The following FOXP2 variants were observed in gnomAD, a reference collection of about 807,000 sequenced individuals.
FOXP2 encodes the protein forkhead box protein P2.
A neutral mutation model predicts 115.8 loss-of-function variants in FOXP2; 12 were observed. That is an observed-to-expected ratio of 0.10 (90% CI 0.07 to 0.17). The LOEUF is 0.17. Among genes scored for constraint, FOXP2 ranks in the 10% least tolerant of loss-of-function variants. The pLI is 1.00. For missense variants in FOXP2, 629 were observed against 843.5 expected (o/e 0.75, Z 3.15); for synonymous variants, 328 against 297.7 (o/e 1.10, Z -1.05).
chr7:114,324,475 C>T (rs1442034364), intron 2 of FOXP2, among the ~76,000 whole-genome samples: 2 of 151,860 alleles, frequency 1.3e-5, no homozygotes, highest in Non-Finnish European at 3.0e-5. Flanking sequence ...TCAGGCCTCT[C>T]TCTTCTATAC....
chr7:114,671,160 C>T (rs915979938), intron 16 of FOXP2, among the ~76,000 whole-genome samples: 6 of 152,052 alleles, frequency 3.9e-5, no homozygotes, highest in Admixed American at 2.0e-4. Flanking sequence ...AGTGATTGTA[C>T]GGAACTTATG....
chr7:114,202,601 G>T (rs556616446), intron 1 of FOXP2, among the ~76,000 whole-genome samples: 17 of 152,262 alleles, frequency 1.1e-4, no homozygotes, highest in African/African-American at 4.1e-4. Flanking sequence ...CCTTGTAACA[G>T]AATGAGATTT....
intron 1 of FOXP2, among the ~76,000 whole-genome samples, chr7:114,286,585 G>A (rs1584608739): frequency 2.0e-5 from 3 of 152,074 alleles, no homozygotes; most frequent in African/African-American, 7.2e-5. Flanking sequence ...ATTAACATAA[G>A]GAAAGCCAAG....
At chr7:114,273,997 C>G (rs561916031) in intron 1 of FOXP2, among the ~76,000 whole-genome samples, 2 of 151,878 alleles carry the variant, frequency 1.3e-5, no homozygotes, top group Admixed American at 1.3e-4. Flanking sequence ...TTCTTTGTTC[C>G]TATTTTTCTT....
chr7:114,660,963 A>G (rs1267373415), intron 13 of FOXP2, among the ~76,000 whole-genome samples: 1 of 151,912 alleles, frequency 6.6e-6, no homozygotes, highest in African/African-American at 2.4e-5. Context: ...TCATTTGCTC[A>G]TTAATATTAA....
chr7:114,306,195 C>T (rs1797010763), intron 2 of FOXP2, among the ~76,000 whole-genome samples: 2 of 152,036 alleles, frequency 1.3e-5, no homozygotes, highest in African/African-American at 4.8e-5. Context: ...AATAAGTCAA[C>T]TTGTTACTGT....
At chr7:114,429,792 CAG>C (rs1305725233) in intron 2 of FOXP2, among the ~76,000 whole-genome samples, 1 of 151,618 alleles carries the variant, frequency 6.6e-6, no homozygotes, top group African/African-American at 2.4e-5. Flanking sequence ...TCATGTAAAA[CAG>C]AGTATTTGAA....
Position 114,664,388 on chromosome 7 carries a change from T to C in FOXP2, c.1955T>C (p.Ile652Thr), listed in dbSNP as rs377217556. 3 of 1,613,600 alleles carry C rather than the reference T, an allele frequency of 1.9e-6. No homozygotes were observed. The highest frequency in any genetic ancestry group is 1.3e-5 in the African/African-American group (1 of 75,016). Reference protein sequence around the residue: ...HEDLNGSLDHIDSNGNSSPGC... With the variant: ...HEDLNGSLDHTDSNGNSSPGC... Reference sequence around the variant, plus strand: ...GACCTCAATGGTTCTCTGGATCACATTGACAGCAATGGAAACAGTAGTCCG... The same window carrying C: ...GACCTCAATGGTTCTCTGGATCACACTGACAGCAATGGAAACAGTAGTCCG... Residue 652 changes from isoleucine to threonine, a missense_variant, in exon 16 of 17, where the codon ATT (isoleucine) becomes ACT (threonine). By Grantham distance (89) the Ile-to-Thr change is moderately conservative (BLOSUM62 -1). Around this residue, in one of 9 missense-constraint regions of FOXP2, gnomAD observed 117 missense variants for 112.3 expected, o/e 1.04. Coordinates refer to ENST00000350908, the MANE Select transcript of FOXP2 (RefSeq NM_014491.4).
At chr7:114,451,710 T>A (rs1795080644) in intron 2 of FOXP2, among the ~76,000 whole-genome samples, 1 of 152,036 alleles carries the variant, frequency 6.6e-6, no homozygotes, top group Non-Finnish European at 1.5e-5. Context: ...AGCTGCTTAA[T>A]ACATAAAAGT....
intron 1 of FOXP2, among the ~76,000 whole-genome samples, chr7:114,196,291 T>G (rs1793905609): frequency 1.3e-5 from 2 of 152,096 alleles, no homozygotes; most frequent in Admixed American, 6.6e-5. Flanking sequence ...ATTATAGGCA[T>G]GAGCCACCAC....
chr7:114,414,297 G>T (rs1793246124), upstream of FOXP2: 1 of 152,076 alleles, frequency 6.6e-6, no homozygotes, highest in South Asian at 2.1e-4. Flanking sequence ...TACAGACTTG[G>T]CTTTGTACTC....
At chr7:114,550,971 G>A (rs1800176879) in intron 3 of FOXP2, among the ~76,000 whole-genome samples, 1 of 148,390 alleles carries the variant, frequency 6.7e-6, no homozygotes, top group African/African-American at 2.6e-5. Context: ...AAGCAGAAGT[G>A]GCTAATAAAT....
chr7:114,399,827 G>C (rs778858647), intron 2 of FOXP2, among the ~76,000 whole-genome samples: 1 of 151,074 alleles, frequency 6.6e-6, no homozygotes, highest in African/African-American at 2.4e-5. Flanking sequence ...CCTTAATTTC[G>C]AAGTGTCAAA....
intron 1 of FOXP2, among the ~76,000 whole-genome samples, chr7:114,169,806 A>G (rs1038358496): frequency 6.6e-6 from 1 of 152,036 alleles, no homozygotes; most frequent in Non-Finnish European, 1.5e-5. Flanking sequence ...TAATTGAATC[A>G]TGGGACAGGT....
chr7:114,513,179 A>G (rs1361870540), intron 2 of FOXP2, among the ~76,000 whole-genome samples: 1 of 152,224 alleles, frequency 6.6e-6, no homozygotes, highest in Non-Finnish European at 1.5e-5. Context: ...AGGAGATTTA[A>G]TGAAATATTC....
chr7:114,200,257 C>T (rs2129159386), intron 1 of FOXP2, among the ~76,000 whole-genome samples: 1 of 152,276 alleles, frequency 6.6e-6, no homozygotes, highest in Non-Finnish European at 1.5e-5. Context: ...GGAGAGGTTG[C>T]TGGCAGGATA....
intron 2 of FOXP2, among the ~76,000 whole-genome samples, chr7:114,316,563 T>C (rs1271912901): frequency 1.3e-5 from 2 of 152,184 alleles, no homozygotes; most frequent in Non-Finnish European, 2.9e-5. Context: ...GGAACTTTTT[T>C]ACATAAAGTG....
At chr7:114,169,714 T>C (rs1444690302) in intron 1 of FOXP2, among the ~76,000 whole-genome samples, 1 of 109,994 alleles carries the variant, frequency 9.1e-6, no homozygotes, top group East Asian at 2.3e-4. Flanking sequence ...TGGAATGATA[T>C]GGTTTGGCTG....
At position 114,644,703 on chromosome 7, in the gene FOXP2, T is replaced by G. The variant is rs756276085; in HGVS notation, c.1008T>G (p.Thr336=). 13 of 1,613,952 alleles carry G rather than the reference T, an allele frequency of 8.1e-6. No individual in the cohort carries two copies. In the South Asian group the frequency reaches 1.4e-4, roughly 18 times the overall value. The part of the protein sequence containing the change: ...ARRDSSSHEE[T]GASHTLYGHG... ...GCTACAGCTCGTCACATGAGGAGACTGGGGCCTCTCACACTCTCTATGGCC... is the reference window on the plus strand; with the variant it reads ...GCTACAGCTCGTCACATGAGGAGACGGGGGCCTCTCACACTCTCTATGGCC... Residue 336 remains threonine, a synonymous_variant, in exon 8 of 17, where the codon ACT becomes ACG. Transcript: ENST00000350908.
Sources: gnomAD v4.1 joint callset for allele counts (sites outside exome capture counted in the v4.1 genomes callset) on GRCh38, gnomAD v4.1.1 for gene constraint, gnomAD v4.1.1 regional missense constraint, MANE v1.5 for transcripts, NCBI Gene and HGNC (gene_info 2026-07-23, HGNC 2026-07-21) for gene names.